The following TENM3 variants were observed in gnomAD, a reference collection of about 807,000 sequenced individuals.
The protein encoded by TENM3 is teneurin transmembrane protein 3, also known as teneurin-3.
In TENM3, 63 loss-of-function variants were observed where a neutral mutation model predicts 255.1. The ratio of observed to expected loss-of-function variants is 0.25; its 90% confidence interval spans 0.20 to 0.30. The LOEUF is 0.30. TENM3 is among the 10% of genes least tolerant of loss of function. The pLI is 1.00. For synonymous variants in TENM3, 1,306 were observed against 1,322.3 expected, an observed-to-expected ratio of 0.99 and a Z score of 0.27; for missense variants, 2,929 against 3,461.1, an observed-to-expected ratio of 0.85 and a Z score of 3.86.
intron 13 of TENM3, among the ~76,000 whole-genome samples, chr4:182,728,354 C>T (rs1760396344): frequency 6.6e-6 from 1 of 152,212 alleles, no homozygotes; most frequent in Non-Finnish European, 1.5e-5. Flanking sequence ...AGTAGCTTTA[C>T]TTACAACTAA....
intron 1 of TENM3, among the ~76,000 whole-genome samples, chr4:182,295,153 A>T (rs531777920): frequency 3.0e-3 from 453 of 152,146 alleles, no homozygotes; most frequent in African/African-American, 0.01. Context: ...AAATTAATTA[A>T]ATTTCCTGGA....
At chr4:182,570,003 T>G (rs1744199261) in intron 3 of TENM3, among the ~76,000 whole-genome samples, 1 of 152,208 alleles carries the variant, frequency 6.6e-6, no homozygotes, top group Non-Finnish European at 1.5e-5. Flanking sequence ...TTCTTTTGAT[T>G]TTAGTTTGGC....
At chr4:181,843,416 T>C in the TENM3 span, among the ~76,000 whole-genome samples, 473 of 152,294 alleles carry the variant, frequency 3.1e-3, 1 homozygote, top group Admixed American at 8.1e-3. Flanking sequence ...GCCCCTGATA[T>C]ATACTAACTT....
intron 3 of TENM3, among the ~76,000 whole-genome samples, chr4:182,580,881 C>A (rs1186211882): frequency 6.6e-6 from 1 of 152,194 alleles, no homozygotes; most frequent in African/African-American, 2.4e-5. Context: ...TGGATTTCAA[C>A]AATATCCATT....
intron 3 of TENM3, among the ~76,000 whole-genome samples, chr4:182,452,947 T>C (rs995902354): frequency 6.6e-6 from 1 of 152,184 alleles, no homozygotes; most frequent in African/African-American, 2.4e-5. Context: ...TTGGAATACC[T>C]TGTCTTCTGA....
chr4:182,745,298 T>A (rs1761924531), intron 19 of TENM3, among the ~76,000 whole-genome samples: 1 of 152,188 alleles, frequency 6.6e-6, no homozygotes, highest in Non-Finnish European at 1.5e-5. Flanking sequence ...CATGCTAAAA[T>A]CAACACTTCA....
chr4:181,885,319 G>A, the TENM3 span, among the ~76,000 whole-genome samples: 2 of 152,222 alleles, frequency 1.3e-5, no homozygotes, highest in Non-Finnish European at 2.9e-5. Flanking sequence ...CTGGAGTGAA[G>A]TGGTGAGATG....
the TENM3 span, among the ~76,000 whole-genome samples, chr4:181,747,031 A>G: frequency 1.3e-5 from 2 of 152,082 alleles, no homozygotes; most frequent in African/African-American, 2.4e-5. Context: ...CATGAAGTCA[A>G]TTCCTATCAG....
chr4:182,518,706 A>G (rs1462386550), intron 3 of TENM3, among the ~76,000 whole-genome samples: 2 of 152,160 alleles, frequency 1.3e-5, no homozygotes, highest in Non-Finnish European at 2.9e-5. Context: ...TCAACCTGGT[A>G]AGATCCTGAA....
chr4:181,981,489 G>T, the TENM3 span, among the ~76,000 whole-genome samples: 1 of 152,048 alleles, frequency 6.6e-6, no homozygotes, highest in Non-Finnish European at 1.5e-5. Flanking sequence ...TAAAACAGAG[G>T]TATTAAAAAC....
chr4:181,831,966 CA>C, the TENM3 span, among the ~76,000 whole-genome samples: 1 of 82,424 alleles, frequency 1.2e-5, no homozygotes, highest in South Asian at 4.8e-4. Flanking sequence ...ATATATATTA[CA>C]TTGTGTGTGT....
At chr4:182,492,137 TA>T (rs2151591608) in intron 3 of TENM3, among the ~76,000 whole-genome samples, 1 of 152,338 alleles carries the variant, frequency 6.6e-6, no homozygotes, top group Non-Finnish European at 1.5e-5. Context: ...TCTCTCCTTA[TA>T]AGCTTGAATT....
the TENM3 span, among the ~76,000 whole-genome samples, chr4:182,073,926 C>T: frequency 6.6e-6 from 1 of 152,196 alleles, no homozygotes; most frequent in Non-Finnish European, 1.5e-5. Context: ...TCTACTTTAA[C>T]CCCTTCACTT....
At chr4:182,394,503 T>C (rs1158568172) in intron 3 of TENM3, among the ~76,000 whole-genome samples, 1 of 152,194 alleles carries the variant, frequency 6.6e-6, no homozygotes, top group Non-Finnish European at 1.5e-5. Context: ...GTGGAACTTA[T>C]CCTCTTAATA....
At chr4:181,821,578 A>G in the TENM3 span, 2 of 152,204 alleles carry the variant, frequency 1.3e-5, no homozygotes, top group Non-Finnish European at 2.9e-5. Flanking sequence ...GCCTTGCTGT[A>G]TTTGCCAAGA....
At chr4:181,799,513 A>C in the TENM3 span, among the ~76,000 whole-genome samples, 1 of 152,344 alleles carries the variant, frequency 6.6e-6, no homozygotes, top group South Asian at 2.1e-4. Flanking sequence ...TCAATAGCAT[A>C]TTTATTTAAT....
chr4:181,769,245 G>C, the TENM3 span, among the ~76,000 whole-genome samples: 2 of 152,108 alleles, frequency 1.3e-5, no homozygotes, highest in South Asian at 4.1e-4. Flanking sequence ...CTTAAGCCTT[G>C]GTCTGTCACT....
At chr4:181,499,672 A>G in the TENM3 span, among the ~76,000 whole-genome samples, 1 of 152,190 alleles carries the variant, frequency 6.6e-6, no homozygotes, top group Non-Finnish European at 1.5e-5. Context: ...CCCACAAGAA[A>G]TATCTCAGAT....
the TENM3 span, among the ~76,000 whole-genome samples, chr4:181,458,458 G>A: frequency 1.6e-4 from 25 of 152,004 alleles, no homozygotes; most frequent in East Asian, 1.4e-3. Flanking sequence ...TGGGTGAAAC[G>A]TCCTCTTGGA....
Sources: gnomAD v4.1 joint callset for allele counts (sites outside exome capture counted in the v4.1 genomes callset) on GRCh38, gnomAD v4.1.1 for gene constraint, MANE v1.5 for transcripts, NCBI Gene and HGNC (gene_info 2026-07-23, HGNC 2026-07-21) for gene names.